The following THUMPD2 variants were observed in gnomAD, a reference collection of about 807,000 sequenced individuals.
THUMPD2 encodes the protein U6 snRNA (guanine-N(2))-methyltransferase THUMPD2.
In THUMPD2, 56 loss-of-function variants were observed where a neutral mutation model predicts 49.4. The ratio of observed to expected loss-of-function variants is 1.13; its 90% CI spans 0.91 to 1.41. The LOEUF is 1.41. Among genes scored for constraint, THUMPD2 ranks in the 40% most tolerant of loss-of-function variants. THUMPD2 has a pLI of 0.00. For missense variants in THUMPD2, 709 were observed against 594.5 expected, an observed-to-expected ratio of 1.19 and a Z score of -2.00; for synonymous variants, 237 against 205.2, an observed-to-expected ratio of 1.15 and a Z score of -1.32.
chr2:39,768,845 C>T (rs563554770), intron 3 of THUMPD2: 2 of 1,187,128 alleles, frequency 1.7e-6, no homozygotes, highest in South Asian at 1.3e-5. Context: ...TTAACTATGT[C>T]AGCTACTATA....
intron 8 of THUMPD2, among the ~76,000 whole-genome samples, chr2:39,745,981 T>G (rs147270883): frequency 1.3e-5 from 2 of 152,296 alleles, no homozygotes; most frequent in Non-Finnish European, 2.9e-5. Flanking sequence ...AATTACTGCT[T>G]CAGTTTCTTC....
In THUMPD2 at chr2:39,736,873, G is replaced by A; in HGVS notation, c.1374C>T (p.Phe458=). 6.2e-7 allele frequency: 1 copy of A among 1,614,172 alleles called. No homozygotes were observed. The highest frequency in any genetic ancestry group is 8.5e-7 in the Non-Finnish European group (1 of 1,180,024). Residue 458 remains phenylalanine (F), a synonymous_variant, in exon 10 of 10, where the codon TTC becomes TTT. Coordinates refer to ENST00000505747, the MANE Select transcript of THUMPD2 (RefSeq NM_025264.5). ...TGAFKTASTS[F]EASNHKFLDR... ...CTAAGAATTTGTGGTTACTGGCTTCGAATGAAGTTGACGCTGTCTTGAATG... is the reference window on the plus strand; with the variant it reads ...CTAAGAATTTGTGGTTACTGGCTTCAAATGAAGTTGACGCTGTCTTGAATG...
At chr2:39,747,350 C>T (rs1674740869) in intron 8 of THUMPD2, among the ~76,000 whole-genome samples, 1 of 152,066 alleles carries the variant, frequency 6.6e-6, no homozygotes, top group South Asian at 2.1e-4. Context: ...TTCTTTTTCT[C>T]ATTTCAGTAA....
chr2:39,778,456 C>T (rs908046169), intron 1 of THUMPD2, among the ~76,000 whole-genome samples: 1 of 152,224 alleles, frequency 6.6e-6, no homozygotes, highest in Non-Finnish European at 1.5e-5. Flanking sequence ...AAGAGTACAT[C>T]ACTCACAGTG....
chr2:39,762,173 A>G (rs1676904596), intron 5 of THUMPD2, among the ~76,000 whole-genome samples: 1 of 152,128 alleles, frequency 6.6e-6, no homozygotes, highest in South Asian at 2.1e-4. Context: ...CACTTCTACA[A>G]TTTGTTGGTA....
chr2:39,757,244 G>A (rs763345515), intron 6 of THUMPD2: 31 of 512,870 alleles, frequency 6.0e-5, no homozygotes, highest in Non-Finnish European at 9.5e-5. Context: ...AAGCAGGAAC[G>A]TACCCCACTG....
rs756556256 is a variant in THUMPD2, at chr2:39,744,514, G to C, written c.1079-36C>G. On this transcript the variant is annotated intron_variant, in intron 8 of 9. Transcript: ENST00000505747. ...GAAATCAGAGAATCCTATTACAGTA[G>C]GGTCAAATATTTACAACTTAAATAA... 9 of 1,316,192 alleles carry C rather than the reference G, an allele frequency of 6.8e-6. No individual in the cohort carries two copies. In the South Asian group the frequency reaches 1.1e-4, roughly 16 times the overall value. The allele number at this position is 1,316,192 out of a possible 1,614,324, so 81.5% of individuals were successfully genotyped here. A position where few individuals can be genotyped will look rare whatever the true frequency, so the allele number is the denominator to read the frequency against.
intron 4 of THUMPD2, chr2:39,766,312 G>A: frequency 2.5e-6 from 1 of 395,920 alleles, no homozygotes; most frequent in East Asian, 4.6e-5. Flanking sequence ...ACATTTCATA[G>A]AAAAATTCTG....
intron 8 of THUMPD2, among the ~76,000 whole-genome samples, chr2:39,749,021 C>T (rs1229946446): frequency 2.0e-5 from 3 of 151,748 alleles, no homozygotes; most frequent in Non-Finnish European, 2.9e-5. Context: ...ATTATTTTGA[C>T]AAGTGTCTGT....
intron 9 of THUMPD2, among the ~76,000 whole-genome samples, chr2:39,739,197 A>G (rs1374878792): frequency 6.6e-6 from 1 of 152,096 alleles, no homozygotes; most frequent in African/African-American, 2.4e-5. Flanking sequence ...ACTGTACTTC[A>G]AATACATTCT....
chr2:39,748,644 C>T (rs916098664), intron 8 of THUMPD2, among the ~76,000 whole-genome samples: 4 of 151,728 alleles, frequency 2.6e-5, no homozygotes, highest in Non-Finnish European at 5.9e-5. Flanking sequence ...GCCGAAATTG[C>T]GCCACTGCAC....
At position 39,769,914 on chromosome 2, in the gene THUMPD2, T is replaced by C; in HGVS notation, c.468A>G (p.Glu156=). ...TTTCCAGCTGGCAGTCCCTATTCTC[T>C]TCTATCTTTTGCATTTGTTCTATTT... ...KLKIEQMQKI[E]ENRDCQLEKQ... Residue 156 remains glutamate, a synonymous_variant, in exon 3 of 10, where the codon GAA becomes GAG. Transcript: ENST00000505747. 3 of 1,586,540 alleles carry C rather than the reference T, an allele frequency of 1.9e-6. No individual in the cohort carries two copies. Among genetic ancestry groups the C allele is most frequent in the Middle Eastern group, 3.4e-4 (2 of 5,836 alleles).
intron 5 of THUMPD2, among the ~76,000 whole-genome samples, chr2:39,763,610 T>C (rs1261759614): frequency 6.6e-6 from 1 of 152,212 alleles, no homozygotes. Context: ...TTTGATTTCA[T>C]GGCCTTTTTG....
upstream of THUMPD2, chr2:39,779,275 G>A (rs1234198887): frequency 1.4e-6 from 2 of 1,445,060 alleles, no homozygotes; most frequent in Admixed American, 3.1e-5. Flanking sequence ...TTCGGGTCAC[G>A]TGGCCTCGGG....
intron 5 of THUMPD2, among the ~76,000 whole-genome samples, chr2:39,763,823 A>G (rs575658463): frequency 2.0e-5 from 3 of 152,014 alleles, no homozygotes; most frequent in African/African-American, 7.2e-5. Flanking sequence ...ATTTTCTACC[A>G]CTTTCTCTAT....
At chr2:39,765,971 G>T in intron 5 of THUMPD2, 86 bp downstream of exon 5, 1 of 1,045,830 alleles carries the variant, frequency 9.6e-7, no homozygotes, top group Non-Finnish European at 1.4e-6. Flanking sequence ...TTATATGAAT[G>T]CTTCATTCAT....
intron 5 of THUMPD2, 40 bp from the exon 6 acceptor site, chr2:39,761,458 GAAC>G (rs767687467): frequency 1.7e-5 from 27 of 1,551,924 alleles, no homozygotes; most frequent in Non-Finnish European, 2.0e-5. Flanking sequence ...ATTACACATT[GAAC>G]AACAAGATAT....
At chr2:39,758,272 A>G (rs1676388156) in intron 6 of THUMPD2, among the ~76,000 whole-genome samples, 1 of 152,188 alleles carries the variant, frequency 6.6e-6, no homozygotes, top group Non-Finnish European at 1.5e-5. Context: ...AAAAATCTGA[A>G]CTAAACATTT....
intron 7 of THUMPD2, 131 bp downstream of exon 7, chr2:39,755,758 G>GGGTAT: frequency 1.5e-6 from 1 of 681,576 alleles, no homozygotes; most frequent in African/African-American, 1.8e-5. Flanking sequence ...CATCTATTTT[G>GGGTAT]AGTAAATAAT....
Sources: gnomAD v4.1 joint callset for allele counts (sites outside exome capture counted in the v4.1 genomes callset) on GRCh38, gnomAD v4.1.1 for gene constraint, MANE v1.5 for transcripts, NCBI Gene and HGNC (gene_info 2026-07-23, HGNC 2026-07-21) for gene names.